The following SYNE1 variants were observed in gnomAD, a reference collection of about 807,000 sequenced individuals.
The protein encoded by SYNE1 is nesprin-1.
SYNE1 carries 616 observed loss-of-function variants against 1,111.0 expected under a neutral mutation model. That is an observed-to-expected ratio of 0.55 (90% CI 0.52 to 0.59). The LOEUF is 0.59. Ranked by LOEUF, SYNE1 falls within the 20% of genes least tolerant of loss-of-function variation. The pLI is 0.00. For missense variants in SYNE1, 10,006 were observed against 10,417.0 expected (o/e 0.96, Z 1.72); for synonymous variants, 3,855 against 3,825.8 (o/e 1.01, Z -0.28).
intron 91 of SYNE1, among the ~76,000 whole-genome samples, chr6:152,307,340 T>C (rs2095411896): frequency 6.6e-6 from 1 of 152,212 alleles, no homozygotes; most frequent in Non-Finnish European, 1.5e-5. Flanking sequence ...TTTTTCATCC[T>C]TACAAAGCAA....
chr6:152,491,889 C>T (rs1014464492), intron 11 of SYNE1, among the ~76,000 whole-genome samples: 17 of 152,058 alleles, frequency 1.1e-4, no homozygotes, highest in Admixed American at 1.3e-4. Flanking sequence ...CTAATTCTTC[C>T]TCAGCCTCCA....
At chr6:152,299,676 C>T (rs971082552) in intron 93 of SYNE1, among the ~76,000 whole-genome samples, 2 of 150,538 alleles carry the variant, frequency 1.3e-5, no homozygotes, top group Admixed American at 6.6e-5. Context: ...GGTTTCATCA[C>T]CTTGATGTTC....
At chr6:152,339,101 C>G (rs950953521) in intron 75 of SYNE1, 140 bp downstream of exon 75, 1 of 1,139,166 alleles carries the variant, frequency 8.8e-7, no homozygotes, top group African/African-American at 1.6e-5. Flanking sequence ...ATTCAAATAT[C>G]TATTTATTAT....
chr6:152,628,500 C>A lies in SYNE1; in HGVS notation c.-169G>T, dbSNP rs190227191. The A allele has an allele frequency of 5.9e-6, 4 of 678,458 alleles. No homozygotes were observed. Among genetic ancestry groups the A allele is most frequent in the Admixed American group, 4.9e-5 (2 of 41,092 alleles). 42.0% of individuals were successfully genotyped at this position (678,458 alleles called of 1,614,324 possible). Reference sequence around the variant, plus strand: ...GGAGGCAGCTCTCCCAAAGACTGAACTGCTTCTTTTTCTTCTTCCGTTTTA... The same window carrying A: ...GGAGGCAGCTCTCCCAAAGACTGAAATGCTTCTTTTTCTTCTTCCGTTTTA... On this transcript the variant is annotated 5_prime_UTR_variant, in exon 3 of 146. Transcript: ENST00000367255.
intron 108 of SYNE1, 83 bp from the exon 109 acceptor site, chr6:152,237,031 G>C (rs1397912579): frequency 1.3e-6 from 2 of 1,545,208 alleles, no homozygotes. Context: ...ATACGTGCCT[G>C]ACAGTCTCTC....
chr6:152,587,784 C>G (rs1223792146), intron 3 of SYNE1, among the ~76,000 whole-genome samples: 1 of 152,154 alleles, frequency 6.6e-6, no homozygotes, highest in African/African-American at 2.4e-5. Flanking sequence ...TTTCCATTCT[C>G]TTGAGTTCTC....
At chr6:152,186,643 G>C (rs1343321918) in intron 128 of SYNE1, among the ~76,000 whole-genome samples, 1 of 147,788 alleles carries the variant, frequency 6.8e-6, no homozygotes, top group Non-Finnish European at 1.5e-5. Flanking sequence ...GGCAGGAAGA[G>C]TGGCATAATC....
chr6:152,220,456 C>T (rs1022796765), intron 119 of SYNE1, among the ~76,000 whole-genome samples: 3 of 150,518 alleles, frequency 2.0e-5, no homozygotes, highest in African/African-American at 7.4e-5. Context: ...TGTGTAGATG[C>T]TTACATAGGA....
intron 46 of SYNE1, 121 bp from the exon 47 acceptor site, chr6:152,401,462 G>T: frequency 1.0e-6 from 1 of 965,074 alleles, no homozygotes. Context: ...ATGGAAGCCA[G>T]CTCCAATGTT....
chr6:152,612,300 A>C (rs2099633567), intron 3 of SYNE1, among the ~76,000 whole-genome samples: 1 of 152,184 alleles, frequency 6.6e-6, no homozygotes, highest in Non-Finnish European at 1.5e-5. Context: ...TGCAATAAAA[A>C]ATGATAAAGG....
intron 3 of SYNE1, among the ~76,000 whole-genome samples, chr6:152,576,855 A>G (rs1171548718): frequency 1.3e-5 from 2 of 152,354 alleles, no homozygotes; most frequent in Non-Finnish European, 2.9e-5. Flanking sequence ...CAAAGCAAAC[A>G]GGAAATGGAG....
At chr6:152,318,381 A>T (rs1589953859) in intron 85 of SYNE1, 118 bp from the exon 86 acceptor site, 1 of 1,113,894 alleles carries the variant, frequency 9.0e-7, no homozygotes, top group East Asian at 2.6e-5. Context: ...TTCTACTATA[A>T]TTCTACTATG....
intron 90 of SYNE1, 88 bp downstream of exon 90, chr6:152,309,747 T>C: frequency 6.4e-7 from 1 of 1,557,534 alleles, no homozygotes; most frequent in South Asian, 1.1e-5. Flanking sequence ...CCTGGATGTG[T>C]TTTGATGGCT....
chr6:152,450,773 C>G lies in SYNE1; in HGVS notation c.3247G>C (p.Glu1083Gln). 1 of 1,614,102 alleles carries G rather than the reference C, an allele frequency of 6.2e-7. No individual in the cohort carries two copies. The highest frequency in any genetic ancestry group is 1.7e-5 in the Admixed American group (1 of 60,018). Residue 1083 changes from glutamate to glutamine, a missense_variant, in exon 27 of 146, where the codon GAA (glutamate) becomes CAA (glutamine). This residue lies in a region of SYNE1 where 1,971 missense variants were observed against 2,084.1 expected (regional missense o/e 0.95). Coordinates refer to ENST00000367255, the MANE Select transcript of SYNE1 (RefSeq NM_182961.4). ...CGCACTGGGAGTTTCACACAGAGTT[C>G]CTCGATGAGCTGTAACCTTTTCTCA... ...LCEKRLQLIE[E>Q]LCVKLPVRDP... is the part of the protein sequence containing the mutation.
At chr6:152,346,906 C>T (rs2096647087) in intron 73 of SYNE1, among the ~76,000 whole-genome samples, 153 bp downstream of exon 73, 3 of 151,694 alleles carry the variant, frequency 2.0e-5, no homozygotes, top group Admixed American at 2.0e-4. Flanking sequence ...GTTCACATAG[C>T]AACTGTGAAA....
At chr6:152,341,141 A>T (rs537005111) in intron 74 of SYNE1, among the ~76,000 whole-genome samples, 1 of 152,266 alleles carries the variant, frequency 6.6e-6, no homozygotes, top group South Asian at 2.1e-4. Flanking sequence ...TTTCCCATTA[A>T]GTCAGGAGTA....
chr6:152,324,552 GC>G (rs2095994820), intron 81 of SYNE1, among the ~76,000 whole-genome samples: 2 of 152,330 alleles, frequency 1.3e-5, no homozygotes, highest in South Asian at 4.1e-4. Flanking sequence ...CCAGCACTTG[GC>G]GGGGGCTGAG....
At chr6:152,345,760 T>C (rs896254993) in intron 73 of SYNE1, among the ~76,000 whole-genome samples, 1 of 152,226 alleles carries the variant, frequency 6.6e-6, no homozygotes, top group Non-Finnish European at 1.5e-5. Context: ...TAGTGTCATT[T>C]AAAAATTCTA....
At chr6:152,590,791 C>T (rs778625119) in intron 3 of SYNE1, among the ~76,000 whole-genome samples, 3 of 152,182 alleles carry the variant, frequency 2.0e-5, no homozygotes, top group Non-Finnish European at 2.9e-5. Context: ...CTTTGAAACT[C>T]GTCTCACATA....
Sources: allele counts gnomAD v4.1 joint callset (sites outside exome capture counted in the v4.1 genomes callset), GRCh38; gene constraint gnomAD v4.1.1; regional missense constraint gnomAD v4.1.1; transcripts MANE v1.5; gene names NCBI Gene and HGNC (gene_info 2026-07-23, HGNC 2026-07-21).